Variants in SGK3 observed in about 807,000 individuals in gnomAD.
SGK3 encodes serine/threonine-protein kinase Sgk3.
Under a neutral mutation model 68.5 loss-of-function variants are expected in SGK3, and 47 were observed. That is an observed-to-expected ratio of 0.69 (90% CI 0.54 to 0.87). SGK3 has a LOEUF of 0.87. Among genes scored for constraint, SGK3 ranks in the 40% least tolerant of loss-of-function variants. SGK3 has a pLI of 0.00. For synonymous variants in SGK3, 181 were observed against 189.1 expected, an observed-to-expected ratio of 0.96 and a Z score of 0.35; for missense variants, 479 against 575.5, an observed-to-expected ratio of 0.83 and a Z score of 1.72.
intron 7 of SGK3, among the ~76,000 whole-genome samples, chr8:66,829,763 C>G (rs922067049): frequency 1.3e-5 from 2 of 151,944 alleles, no homozygotes; most frequent in African/African-American, 4.8e-5. Flanking sequence ...AGAGTTTTTG[C>G]TTCAAAGGAA....
intron 1 of SGK3, among the ~76,000 whole-genome samples, chr8:66,785,797 G>T (rs1807175064): frequency 6.6e-6 from 1 of 152,218 alleles, no homozygotes; most frequent in South Asian, 2.1e-4. Flanking sequence ...GAGTTGAAGA[G>T]TAAGTCTAGT....
chr8:66,812,446 A>T (rs1808414965), intron 4 of SGK3, among the ~76,000 whole-genome samples: 2 of 151,844 alleles, frequency 1.3e-5, no homozygotes, highest in African/African-American at 4.8e-5. Flanking sequence ...AATCCCAGCT[A>T]CTCGGGAGGC....
intron 14 of SGK3, among the ~76,000 whole-genome samples, chr8:66,845,813 C>T (rs1464208500): frequency 1.3e-5 from 2 of 151,922 alleles, no homozygotes; most frequent in Non-Finnish European, 2.9e-5. Flanking sequence ...CCACCTCAGC[C>T]TCCCGAAGTG....
chr8:66,829,867 A>ATTTTT (rs10689856), intron 7 of SGK3, among the ~76,000 whole-genome samples: 48 of 137,756 alleles, frequency 3.5e-4, no homozygotes, highest in African/African-American at 6.4e-4. Context: ...CAAAAAATGG[A>ATTTTT]TTTTTTTTTT....
chr8:66,805,048 C>T (rs1188355187), intron 4 of SGK3, among the ~76,000 whole-genome samples: 4 of 152,094 alleles, frequency 2.6e-5, no homozygotes, highest in Non-Finnish European at 5.9e-5. Context: ...CATTGCACTC[C>T]AGGCTGGGTG....
chr8:66,848,863 T>C (rs1810145882), intron 15 of SGK3, among the ~76,000 whole-genome samples: 1 of 152,182 alleles, frequency 6.6e-6, no homozygotes, highest in Non-Finnish European at 1.5e-5. Context: ...AGCTCTTTCA[T>C]TTCTCAATCT....
rs558292987 is a variant in SGK3, at chr8:66,718,040, T to A, written c.-122+5207T>A. Reference sequence around the variant, plus strand: ...ACCTCCCTATTTTTTTTTTCTTTTTTTTTGACATGGAGTCTCAGTCTGTCA... The same window carrying A: ...ACCTCCCTATTTTTTTTTTCTTTTTATTTGACATGGAGTCTCAGTCTGTCA... On this transcript the variant is annotated intron_variant, in intron 1 of 16. Coordinates refer to ENST00000521198, the MANE Select transcript of SGK3 (RefSeq NM_001033578.3). Among the ~76,000 whole-genome samples, 217 of 146,526 alleles carry A rather than the reference T, an allele frequency of 1.5e-3. 5 individuals carry two copies. Among genetic ancestry groups the A allele is most frequent in the South Asian group, 0.012 (56 of 4,650 alleles).
chr8:66,745,037 T>A (rs1293119233), intron 1 of SGK3, among the ~76,000 whole-genome samples: 1 of 152,124 alleles, frequency 6.6e-6, no homozygotes. Context: ...TTTATTTTTT[T>A]AAAGTTTCTT....
intron 3 of SGK3, among the ~76,000 whole-genome samples, chr8:66,800,026 A>G (rs1807864274): frequency 6.6e-6 from 1 of 152,124 alleles, no homozygotes; most frequent in African/African-American, 2.4e-5. Context: ...TCCTCTGGAA[A>G]AACTCTTGTT....
At chr8:66,825,053 G>A (rs965378954) in intron 6 of SGK3, among the ~76,000 whole-genome samples, 3 of 152,144 alleles carry the variant, frequency 2.0e-5, no homozygotes, top group Non-Finnish European at 4.4e-5. Context: ...TGCTACTCAT[G>A]TGAGACTAGG....
chr8:66,800,650 A>G (rs1176169441), intron 3 of SGK3, among the ~76,000 whole-genome samples: 9 of 152,110 alleles, frequency 5.9e-5, no homozygotes, highest in Admixed American at 5.9e-4. Flanking sequence ...AAGTCATGAA[A>G]ATTAGATTTC....
At chr8:66,848,587 G>A (rs1246726259) in intron 15 of SGK3, among the ~76,000 whole-genome samples, 1 of 152,020 alleles carries the variant, frequency 6.6e-6, no homozygotes, top group Non-Finnish European at 1.5e-5. Context: ...TTTCTTCTTC[G>A]TATTGTAGTG....
intron 1 of SGK3, among the ~76,000 whole-genome samples, chr8:66,752,778 G>T (rs1452368382): frequency 2.0e-5 from 3 of 152,184 alleles, no homozygotes; most frequent in Admixed American, 2.0e-4. Flanking sequence ...TTTTCGGCGA[G>T]ACAAGGACAT....
chr8:66,809,710 T>C (rs998078880), intron 4 of SGK3, among the ~76,000 whole-genome samples: 1 of 152,202 alleles, frequency 6.6e-6, no homozygotes, highest in Non-Finnish European at 1.5e-5. Flanking sequence ...AGAATCACAG[T>C]TCATAAATAG....
chr8:66,730,685 T>C (rs1483387663), intron 1 of SGK3, among the ~76,000 whole-genome samples: 8 of 147,724 alleles, frequency 5.4e-5, no homozygotes, highest in African/African-American at 2.1e-4. Flanking sequence ...GTCTCAGCAC[T>C]GTTTTTTGTT....
intron 1 of SGK3, among the ~76,000 whole-genome samples, chr8:66,773,888 GAA>G (rs1354386399): frequency 6.6e-6 from 1 of 152,196 alleles, no homozygotes; most frequent in Non-Finnish European, 1.5e-5. Flanking sequence ...GTCAAAAAAA[GAA>G]AAGGGAAACT....
At chr8:66,817,393 T>TG (rs1405498927) in intron 5 of SGK3, among the ~76,000 whole-genome samples, 1 of 150,318 alleles carries the variant, frequency 6.7e-6, no homozygotes, top group Non-Finnish European at 1.5e-5. Context: ...ATCGTGCCAC[T>TG]GCACTCCAGC....
intron 6 of SGK3, among the ~76,000 whole-genome samples, chr8:66,827,071 T>G (rs761945232): frequency 4.6e-5 from 7 of 152,060 alleles, no homozygotes; most frequent in East Asian, 1.9e-4. Flanking sequence ...ATGTCTATAA[T>G]AAGAAGTTTG....
At chr8:66,743,916 A>G (rs566051297) in intron 1 of SGK3, among the ~76,000 whole-genome samples, 1 of 152,232 alleles carries the variant, frequency 6.6e-6, no homozygotes, top group Non-Finnish European at 1.5e-5. Context: ...TTTCAGCTCC[A>G]TTTCCCTGCT....
Sources: gnomAD v4.1 joint callset for allele counts (sites outside exome capture counted in the v4.1 genomes callset) on GRCh38, gnomAD v4.1.1 for gene constraint, MANE v1.5 for transcripts, NCBI Gene and HGNC (gene_info 2026-07-23, HGNC 2026-07-21) for gene names.